The following TGM2 variants were observed in gnomAD, a reference collection of about 807,000 sequenced individuals.
TGM2 encodes transglutaminase 2.
A neutral mutation model predicts 75.6 loss-of-function variants in TGM2; 53 were observed. That is an observed-to-expected ratio of 0.70 (90% CI 0.56 to 0.88). The LOEUF (loss-of-function observed/expected upper bound fraction) is 0.88, where lower values mean the gene tolerates loss of function less well. TGM2 is among the 40% of genes least tolerant of loss of function. The pLI, the probability that TGM2 is intolerant of heterozygous loss-of-function variation, is 0.00. For synonymous variants in TGM2, 374 were observed against 381.1 expected (o/e 0.98, Z 0.22); for missense variants, 842 against 928.5 (o/e 0.91, Z 1.21).
chr20:38,152,358 T>A (rs2075124653), intron 3 of TGM2, among the ~76,000 whole-genome samples: 1 of 152,172 alleles, frequency 6.6e-6, no homozygotes, highest in Non-Finnish European at 1.5e-5. Flanking sequence ...AGAGGCCAAG[T>A]CTCTTGTGTA....
chr20:38,163,132 A>ACCC (rs1355341591), intron 1 of TGM2, among the ~76,000 whole-genome samples: 4 of 152,208 alleles, frequency 2.6e-5, no homozygotes, highest in African/African-American at 9.7e-5. Context: ...GGAGCAGAGG[A>ACCC]CCAGGGCACG....
At chr20:38,164,156 C>T (rs149614953) in intron 1 of TGM2, among the ~76,000 whole-genome samples, 27 of 152,032 alleles carry the variant, frequency 1.8e-4, no homozygotes, top group South Asian at 4.2e-4. Flanking sequence ...AAGCGGCCAC[C>T]GAGGCGACAC....
intron 6 of TGM2, 78 bp downstream of exon 6, chr20:38,146,639 G>T: frequency 6.5e-7 from 1 of 1,549,790 alleles, no homozygotes; most frequent in Non-Finnish European, 8.8e-7. Context: ...ACCAGGGCAG[G>T]GATGTCCTGA....
chr20:38,141,935 G>T, intron 7 of TGM2, 129 bp downstream of exon 7: 1 of 1,145,994 alleles, frequency 8.7e-7, no homozygotes, highest in Non-Finnish European at 1.3e-6. Flanking sequence ...CCTTCCCCAA[G>T]CCTGCTCAAA....
chr20:38,141,235 G>A, intron 8 of TGM2, 47 bp downstream of exon 8: 1 of 1,480,488 alleles, frequency 6.8e-7, no homozygotes, highest in Non-Finnish European at 9.2e-7. Context: ...AACTCTCCAA[G>A]CCTCGTCTTC....
Position 38,139,652 on chromosome 20 carries a change from T to C in TGM2, c.1102A>G (p.Thr368Ala), listed in dbSNP as rs868222460. The change falls in exon 9 of 13, where the codon ACG becomes GCG. Residue 368 changes from threonine to alanine, a missense_variant and splice_region_variant. Physicochemically the swap from Thr to Ala is moderately conservative, Grantham distance 58. Transcript: ENST00000361475. The part of the protein sequence containing the change: ...DPTPQEKSEG[T>A]YCCGPVPVRA... Reference sequence around the variant, plus strand: ...ACTGGAACTGGGCCACAGCAGTACGTCCCTGGCAGAGGTAGAAAGGGGAAG... The same window carrying C: ...ACTGGAACTGGGCCACAGCAGTACGCCCCTGGCAGAGGTAGAAAGGGGAAG... The C allele has an allele frequency of 6.2e-7, 1 of 1,614,052 alleles. No individual in the cohort carries two copies. Among genetic ancestry groups the C allele is most frequent in the Non-Finnish European group, 8.5e-7 (1 of 1,179,992 alleles).
chr20:38,146,293 G>A, intron 6 of TGM2: 1 of 309,658 alleles, frequency 3.2e-6, no homozygotes, highest in Non-Finnish European at 6.3e-6. Flanking sequence ...TCTGTGCTGA[G>A]TAGCTTCATG....
At chr20:38,130,421 C>T in intron 12 of TGM2, 52 bp from the exon 13 acceptor site, 3 of 1,544,632 alleles carry the variant, frequency 1.9e-6, no homozygotes, top group Non-Finnish European at 1.8e-6. Context: ...CTGGCTCCCG[C>T]ATGCTGGGGT....
At chr20:38,165,458 G>T (rs952511700), upstream of TGM2, 34 of 570,458 alleles carry the variant, frequency 6.0e-5, no homozygotes, top group Non-Finnish European at 8.9e-5. Flanking sequence ...GCGCCCCCTG[G>T]GGGAGCGGAC....
At chr20:38,147,593 C>T (rs896553544) in intron 5 of TGM2, among the ~76,000 whole-genome samples, 1 of 152,102 alleles carries the variant, frequency 6.6e-6, no homozygotes, top group African/African-American at 2.4e-5. Flanking sequence ...ATGTGAACTG[C>T]CTGCTCGTTC....
chr20:38,149,663 AG>A (rs1477944254), intron 4 of TGM2, among the ~76,000 whole-genome samples: 2 of 135,448 alleles, frequency 1.5e-5, no homozygotes, highest in African/African-American at 3.0e-5. Context: ...TGGGCAACAG[AG>A]CGAGACTCCG....
intron 6 of TGM2, 21 bp downstream of exon 6, chr20:38,146,696 A>G: frequency 6.2e-7 from 1 of 1,612,866 alleles, no homozygotes; most frequent in Non-Finnish European, 8.5e-7. Flanking sequence ...CTCATGACCC[A>G]CATCCCAGCG....
upstream of TGM2, among the ~76,000 whole-genome samples, chr20:38,168,270 A>G (rs1385964820): frequency 6.6e-6 from 1 of 152,242 alleles, no homozygotes; most frequent in Admixed American, 6.5e-5. Flanking sequence ...GGCTTGGCCC[A>G]GAGACCTGGA....
rs370820498 is a variant in TGM2 at position 38,139,556 on chromosome 20, C to T, written c.1198G>A (p.Asp400Asn). 2.8e-5 allele frequency: 46 copies of T among 1,614,058 alleles called. No homozygotes were observed. Among genetic ancestry groups the T allele is most frequent in the Middle Eastern group, 1.6e-4 (1 of 6,084 alleles). ...APFVFAEVNA[D>N]VVDWIQQDDG... ...TCCTGCTGGATCCAGTCTACCACGT[C>T]GGCATTGACCTCCGCAAAGACAAAG... Residue 400 changes from aspartate to asparagine, a missense_variant, in exon 9 of 13, where the codon GAC becomes AAC. Asp to Asn is a conservative substitution (Grantham distance 23, BLOSUM62 1). Transcript: ENST00000361475.
Position 38,139,491 on chromosome 20 carries a change from G to C in TGM2, c.1263C>G (p.Ile421Met). 6.2e-7 allele frequency: 1 copy of C among 1,614,172 alleles called. No homozygotes were observed. Among genetic ancestry groups the C allele is most frequent in the Non-Finnish European group, 8.5e-7 (1 of 1,180,034 alleles). Residue 421 changes from isoleucine (I) to methionine (M), a missense_variant, in exon 9 of 13, where the codon ATC becomes ATG. Physicochemically the swap from Ile to Met is conservative, Grantham distance 10. Coordinates refer to ENST00000361475, the MANE Select transcript of TGM2 (RefSeq NM_004613.4). Reference sequence around the variant, plus strand: ...TCTTAGTGCTGATCTTCAGCCCAACGATCAGGGAACGGTTGATGGATTTGT... The same window carrying C: ...TCTTAGTGCTGATCTTCAGCCCAACCATCAGGGAACGGTTGATGGATTTGT... ...SVHKSINRSLIVGLKISTKSV... is the reference protein window; with the variant it reads ...SVHKSINRSLMVGLKISTKSV...
At chr20:38,133,214 C>T (rs2074858098) in intron 10 of TGM2, 1 of 226,154 alleles carries the variant, frequency 4.4e-6, no homozygotes, top group South Asian at 7.0e-5. Context: ...CTCCACGAGG[C>T]TCGTGATGCT....
chr20:38,141,206 C>A, intron 8 of TGM2, 76 bp downstream of exon 8: 6 of 1,267,896 alleles, frequency 4.7e-6, no homozygotes, highest in Non-Finnish European at 6.7e-6. Flanking sequence ...GTTCTGCCGC[C>A]CTCCAGCTGA....
At position 38,139,584 on chromosome 20, in the gene TGM2, C is replaced by T. The variant is rs2229470; in HGVS notation, c.1170G>A (p.Ala390=). The T allele has an allele frequency of 8.3e-3, 13,358 of 1,614,164 alleles. 107 individuals carry two copies. The highest frequency in any genetic ancestry group is 0.031 in the Middle Eastern group (185 of 6,062). Residue 390 remains alanine, a synonymous_variant, in exon 9 of 13, where the codon GCG becomes GCA. Transcript: ENST00000361475. ...CATTGACCTCCGCAAAGACAAAGGGCGCATCGTACTTGGTGCTCAGGTCGC... is the reference window on the plus strand; with the variant it reads ...CATTGACCTCCGCAAAGACAAAGGGTGCATCGTACTTGGTGCTCAGGTCGC... ...KEGDLSTKYD[A]PFVFAEVNAD...
chr20:38,130,292 A>C lies in TGM2; in HGVS notation c.1991T>G (p.Leu664Arg). The change falls in exon 13 of 13, where the codon CTG becomes CGG. Residue 664 changes from leucine to arginine, a missense_variant. Leu to Arg is a moderately radical substitution (Grantham distance 102). Coordinates refer to ENST00000361475, the MANE Select transcript of TGM2 (RefSeq NM_004613.4). ...CTTGTCGCTCTCGAAGTTCACCACCAGCTTGTGGAGGCCCATGTGGAGCGG... is the reference window on the plus strand; with the variant it reads ...CTTGTCGCTCTCGAAGTTCACCACCCGCTTGTGGAGGCCCATGTGGAGCGG... ...LLPLHMGLHK[L>R]VVNFESDKLK... The C allele has an allele frequency of 6.2e-7, 1 of 1,612,766 alleles. No individual in the cohort carries two copies. The highest frequency in any genetic ancestry group is 8.5e-7 in the Non-Finnish European group (1 of 1,179,668).
Sources: gnomAD v4.1 joint callset for allele counts (sites outside exome capture counted in the v4.1 genomes callset) on GRCh38, gnomAD v4.1.1 for gene constraint, MANE v1.5 for transcripts, NCBI Gene and HGNC (gene_info 2026-07-23, HGNC 2026-07-21) for gene names.